Variants in LRRTM3 observed in about 807,000 individuals in gnomAD.
The protein encoded by LRRTM3 is leucine rich repeat transmembrane neuronal 3.
Under a neutral mutation model 44.7 loss-of-function variants are expected in LRRTM3, and 24 were observed. The observed-to-expected ratio is 0.54, with a 90% CI of 0.39 to 0.76. LRRTM3 has a LOEUF of 0.76. Among genes scored for constraint, LRRTM3 ranks in the 30% least tolerant of loss-of-function variants. LRRTM3 has a pLI of 0.00. For synonymous variants in LRRTM3, 277 were observed against 278.7 expected, an observed-to-expected ratio of 0.99 and a Z score of 0.06; for missense variants, 587 against 702.2, an observed-to-expected ratio of 0.84 and a Z score of 1.85.
At chr10:67,013,197 T>C (rs1438501722) in intron 2 of LRRTM3, among the ~76,000 whole-genome samples, 1 of 151,490 alleles carries the variant, frequency 6.6e-6, no homozygotes, top group Non-Finnish European at 1.5e-5. Context: ...CTGACTCAAA[T>C]TCAGATCTGT....
intron 2 of LRRTM3, among the ~76,000 whole-genome samples, chr10:67,091,771 G>C (rs1301765841): frequency 1.3e-5 from 2 of 151,992 alleles, no homozygotes; most frequent in Non-Finnish European, 2.9e-5. Context: ...AAGAGACAGG[G>C]AGTCAAAGTA....
chr10:67,017,530 C>A (rs1230888246), intron 2 of LRRTM3, among the ~76,000 whole-genome samples: 2 of 152,172 alleles, frequency 1.3e-5, no homozygotes, highest in East Asian at 3.9e-4. Flanking sequence ...CACAATCCAT[C>A]CTCTATGGTT....
rs1925578 is a variant in LRRTM3, at chr10:67,065,189, G to T, written c.1537-32398G>T. Among the ~76,000 whole-genome samples, 28 of 151,920 alleles carry T rather than the reference G, an allele frequency of 1.8e-4. 1 individual carries two copies. The South Asian group carries it at 5.2e-3, about 28-fold the overall frequency. On this transcript the variant is annotated intron_variant, in intron 2 of 2. Transcript: ENST00000361320. ...TATTTATTTTTTCCTAGAAAAAAAG[G>T]GTATTTGACACATATCGGGAGACAC...
chr10:66,927,799 C>A lies in LRRTM3; in HGVS notation c.883C>A (p.Gln295Lys). The A allele has an allele frequency of 1.2e-6, 2 of 1,614,148 alleles. No individual in the cohort carries two copies. The highest frequency in any genetic ancestry group is 2.2e-5 in the South Asian group (2 of 91,058). ...TTCCAACAAGCTCACATTTATTGGT[C>A]AAGAGATTTTGGATTCTTGGATATC... Reference protein sequence around the residue: ...LDSNKLTFIGQEILDSWISLN... With the variant: ...LDSNKLTFIGKEILDSWISLN... The change falls in exon 2 of 3, where the codon CAA becomes AAA. Residue 295 changes from glutamine (Q) to lysine (K), a missense_variant. Around this residue, in one of 3 missense-constraint regions of LRRTM3, gnomAD observed 222 missense variants for 323.3 expected, o/e 0.69. Coordinates refer to ENST00000361320, the MANE Select transcript of LRRTM3 (RefSeq NM_178011.5). The surrounding 1 kb of genome is among the most constrained non-coding windows in gnomAD (Gnocchi z 4.7).
At chr10:67,090,502 T>C (rs1857567345) in intron 2 of LRRTM3, among the ~76,000 whole-genome samples, 2 of 152,108 alleles carry the variant, frequency 1.3e-5, no homozygotes, top group Admixed American at 6.6e-5. Flanking sequence ...GATAGAGTGA[T>C]AGATAAGCAA....
chr10:67,046,903 T>C (rs1854787743), intron 2 of LRRTM3, among the ~76,000 whole-genome samples: 3 of 152,152 alleles, frequency 2.0e-5, no homozygotes, highest in South Asian at 2.1e-4. Flanking sequence ...TCCTTTTACA[T>C]TGATGACTTA....
At chr10:67,085,694 AT>A (rs1857270247) in intron 2 of LRRTM3, among the ~76,000 whole-genome samples, 1 of 152,094 alleles carries the variant, frequency 6.6e-6, no homozygotes, top group Admixed American at 6.6e-5. Context: ...TGATATTTTC[AT>A]TACAAATGTA....
At chr10:67,027,628 G>C (rs1430083752) in intron 2 of LRRTM3, among the ~76,000 whole-genome samples, 1 of 151,666 alleles carries the variant, frequency 6.6e-6, no homozygotes, top group Non-Finnish European at 1.5e-5. Context: ...GTAGAGACAG[G>C]GTTTCACCAT....
intron 2 of LRRTM3, among the ~76,000 whole-genome samples, chr10:67,044,431 T>G (rs1419939783): frequency 6.6e-6 from 1 of 152,156 alleles, no homozygotes; most frequent in Non-Finnish European, 1.5e-5. Flanking sequence ...AAACTTGCTT[T>G]TAAGAAGAGG....
intron 2 of LRRTM3, among the ~76,000 whole-genome samples, chr10:67,000,021 G>A (rs1851584858): frequency 6.6e-6 from 1 of 152,124 alleles, no homozygotes; most frequent in South Asian, 2.1e-4. Flanking sequence ...TTATGGGATA[G>A]CTGTTTTTCA....
At chr10:66,981,628 A>T (rs1293847859) in intron 2 of LRRTM3, among the ~76,000 whole-genome samples, 1 of 152,254 alleles carries the variant, frequency 6.6e-6, no homozygotes, top group Non-Finnish European at 1.5e-5. Context: ...GTTAATTTTT[A>T]GTACAATATT....
At chr10:67,011,449 A>G (rs980424365) in intron 2 of LRRTM3, among the ~76,000 whole-genome samples, 1 of 151,940 alleles carries the variant, frequency 6.6e-6, no homozygotes, top group Non-Finnish European at 1.5e-5. Flanking sequence ...AAATTTACCC[A>G]TAGAGTGCAA....
At chr10:67,089,769 AC>A (rs2131904743) in intron 2 of LRRTM3, among the ~76,000 whole-genome samples, 1 of 151,178 alleles carries the variant, frequency 6.6e-6, no homozygotes, top group South Asian at 2.1e-4. Context: ...AAACACATAT[AC>A]TGTATTTGTC....
chr10:66,927,220 G>A lies in LRRTM3; in HGVS notation c.304G>A (p.Glu102Lys). ...CCATAACCATATCAGCAATATTGAC[G>A]AAAATGCTTTTAATGGAATACGCAG... is the stretch of plus-strand genomic sequence containing the variant. ...LDHNHISNID[E>K]NAFNGIRRLK... The change falls in exon 2 of 3, where the codon GAA becomes AAA. Residue 102 changes from glutamate (E) to lysine (K), a missense_variant. Physicochemically the swap from Glu to Lys is moderately conservative, Grantham distance 56. Coordinates refer to ENST00000361320, the MANE Select transcript of LRRTM3 (RefSeq NM_178011.5). This position sits in a 1 kb window ranked among gnomAD's most constrained non-coding sequence, Gnocchi z 4.7. 1.9e-6 allele frequency: 3 copies of A among 1,614,120 alleles called. No individual in the cohort carries two copies. The highest frequency in any genetic ancestry group is 2.5e-6 in the Non-Finnish European group (3 of 1,180,032).
chr10:66,968,387 C>T (rs1325944927), intron 2 of LRRTM3, among the ~76,000 whole-genome samples: 2 of 147,938 alleles, frequency 1.4e-5, no homozygotes, highest in Non-Finnish European at 3.0e-5. Context: ...GATATACATA[C>T]ATATTAGTTT....
chr10:67,061,712 A>T lies in LRRTM3; in HGVS notation c.1537-35875A>T, dbSNP rs1855766670. ...GATGAAAGAGAAACGATATTTCAGC[A>T]GTTGTGTGCATATTCTAATATGTAT... On this transcript the variant is annotated intron_variant, in intron 2 of 2. Transcript: ENST00000361320. Among the ~76,000 whole-genome samples, 3 of 152,350 alleles carry T rather than the reference A, an allele frequency of 2.0e-5. No homozygotes were observed. In the South Asian group the frequency reaches 6.2e-4, roughly 32 times the overall value.
At chr10:67,055,190 C>T (rs1014516325) in intron 2 of LRRTM3, among the ~76,000 whole-genome samples, 3 of 152,170 alleles carry the variant, frequency 2.0e-5, no homozygotes, top group African/African-American at 7.2e-5. Context: ...TGCATCTCAA[C>T]TTTCCACATA....
intron 2 of LRRTM3, among the ~76,000 whole-genome samples, chr10:66,941,141 A>G (rs909357942): frequency 6.6e-6 from 1 of 152,230 alleles, no homozygotes; most frequent in African/African-American, 2.4e-5. Context: ...CACAGTAGAG[A>G]GACAATATTT....
At chr10:66,964,308 A>G (rs1352141407) in intron 2 of LRRTM3, among the ~76,000 whole-genome samples, 2 of 149,788 alleles carry the variant, frequency 1.3e-5, no homozygotes, top group Non-Finnish European at 3.0e-5. Flanking sequence ...TTCAATCTAG[A>G]TGTTTACATT....
Sources: allele counts gnomAD v4.1 joint callset (sites outside exome capture counted in the v4.1 genomes callset), GRCh38; gene constraint gnomAD v4.1.1; regional missense constraint gnomAD v4.1.1; non-coding constraint Gnocchi (gnomAD v3.1); transcripts MANE v1.5; gene names NCBI Gene and HGNC (gene_info 2026-07-23, HGNC 2026-07-21).